TLR2: variants seen among roughly 807,000 people sequenced by gnomAD.
TLR2 encodes the protein toll like receptor 2.
In TLR2, 7 loss-of-function variants were observed where a neutral mutation model predicts 9.1. That is an observed-to-expected ratio of 0.77 (90% CI 0.44 to 1.44). The LOEUF is 1.44. Among genes scored for constraint, TLR2 ranks in the 40% most tolerant of loss-of-function variants. The pLI, the probability that TLR2 is intolerant of heterozygous loss-of-function variation, is 0.01. For missense variants in TLR2, 812 were observed against 904.6 expected, an observed-to-expected ratio of 0.90 and a Z score of 1.31; for synonymous variants, 317 against 344.6, an observed-to-expected ratio of 0.92 and a Z score of 0.89.
Position 153,703,272 on chromosome 4 carries a change from C to T in TLR2, c.365C>T (p.Pro122Leu), listed in dbSNP as rs770176238. 1 of 1,612,832 alleles carries T rather than the reference C, an allele frequency of 6.2e-7. No homozygotes were observed. Among genetic ancestry groups the T allele is most frequent in the South Asian group, 1.1e-5 (1 of 90,714 alleles). Residue 122 changes from proline (P) to leucine (L), a missense_variant, in exon 3 of 3, where the codon CCC becomes CTC. Coordinates refer to ENST00000642700, the MANE Select transcript of TLR2 (RefSeq NM_001318789.2). ...AATTTATCGTCTTCCTGGTTCAAGC[C>T]CCTTTCTTCTTTAACATTCTTAAAC... The part of the protein sequence containing the change: ...LSNLSSSWFK[P>L]LSSLTFLNLL...
Position 153,704,629 on chromosome 4 carries a change from G to A in TLR2, c.1722G>A (p.Gln574=), listed in dbSNP as rs139101815. 1.8e-4 allele frequency: 289 copies of A among 1,613,602 alleles called. 1 individual carries two copies. The highest frequency in any genetic ancestry group is 2.3e-4 in the Non-Finnish European group (274 of 1,180,000). ...CDSPSHVRGQ[Q]VQDVRLSVSE... is the part of the protein sequence containing the mutation. Reference sequence around the variant, plus strand: ...CTCCATCCCATGTGCGTGGCCAGCAGGTTCAGGATGTCCGCCTCTCGGTGT... The same window carrying A: ...CTCCATCCCATGTGCGTGGCCAGCAAGTTCAGGATGTCCGCCTCTCGGTGT... Residue 574 remains glutamine, a synonymous_variant, in exon 3 of 3, where the codon CAG becomes CAA. Coordinates refer to ENST00000642700, the MANE Select transcript of TLR2 (RefSeq NM_001318789.2).
chr4:153,700,592 A>G (rs1433177118), intron 2 of TLR2, among the ~76,000 whole-genome samples: 1 of 152,198 alleles, frequency 6.6e-6, no homozygotes, highest in East Asian at 1.9e-4. Context: ...TGCCATTTAT[A>G]ATAATATTCA....
In TLR2 at chr4:153,703,958, G is replaced by T. The variant is rs749390800; in HGVS notation, c.1051G>T (p.Val351Phe). 3.1e-6 allele frequency: 5 copies of T among 1,611,568 alleles called. No homozygotes were observed. The highest frequency in any genetic ancestry group is 4.2e-6 in the Non-Finnish European group (5 of 1,179,428). Reference sequence around the variant, plus strand: ...AGTAGAAAACAGTAAAGTTTTTCTGGTTCCTTGTTTACTTTCACAACATTT... The same window carrying T: ...AGTAGAAAACAGTAAAGTTTTTCTGTTTCCTTGTTTACTTTCACAACATTT... ...ITVENSKVFL[V>F]PCLLSQHLKS... Residue 351 changes from valine to phenylalanine, a missense_variant, in exon 3 of 3, where the codon GTT becomes TTT. Physicochemically the swap from Val to Phe is conservative, Grantham distance 50. Coordinates refer to ENST00000642700, the MANE Select transcript of TLR2 (RefSeq NM_001318789.2).
At chr4:153,702,841 T>TA (rs1340836367) in intron 2 of TLR2, 51 bp from the exon 3 acceptor site, 11 of 1,424,220 alleles carry the variant, frequency 7.7e-6, no homozygotes, top group African/African-American at 1.4e-5. Flanking sequence ...GAATTAGAAT[T>TA]ACGATATGCT....
At position 153,705,068 on chromosome 4, in the gene TLR2, C is replaced by A; in HGVS notation, c.2161C>A (p.His721Asn). ...GTGCAAGTATGAACTGGACTTCTCC[C>A]ATTTCCGTCTTTTTGATGAGAACAA... ...EWCKYELDFS[H>N]FRLFDENNDA... Residue 721 changes from histidine (H) to asparagine (N), a missense_variant, in exon 3 of 3, where the codon CAT (histidine) becomes AAT (asparagine). Coordinates refer to ENST00000642700, the MANE Select transcript of TLR2 (RefSeq NM_001318789.2). 6.2e-7 allele frequency: 1 copy of A among 1,614,070 alleles called. No individual in the cohort carries two copies. Among genetic ancestry groups the A allele is most frequent in the South Asian group, 1.1e-5 (1 of 91,078 alleles).
At chr4:153,690,242 A>G (rs992606553) in intron 2 of TLR2, among the ~76,000 whole-genome samples, 4 of 152,214 alleles carry the variant, frequency 2.6e-5, no homozygotes, top group African/African-American at 9.7e-5. Flanking sequence ...AAAGTCATTA[A>G]TGCTAGATTC....
rs372430025 is a variant in TLR2, at chr4:153,704,656, G to A, written c.1749G>A (p.Ser583=). 2.4e-5 allele frequency: 38 copies of A among 1,612,696 alleles called. No individual in the cohort carries two copies. The highest frequency in any genetic ancestry group is 1.7e-4 in the African/African-American group (13 of 74,668). The change falls in exon 3 of 3, where the codon TCG becomes TCA. Residue 583 remains serine (S), a synonymous_variant. Transcript: ENST00000642700. ...TTCAGGATGTCCGCCTCTCGGTGTC[G>A]GAATGTCACAGGACAGCACTGGTGT... ...QQVQDVRLSV[S]ECHRTALVSG... is the part of the protein sequence containing the mutation.
chr4:153,708,516 C>T (rs1322819719), downstream of TLR2, among the ~76,000 whole-genome samples: 1 of 152,124 alleles, frequency 6.6e-6, no homozygotes, highest in East Asian at 1.9e-4. Flanking sequence ...AATCTGGATG[C>T]TGAATCAATC....
Position 153,705,286 on chromosome 4 carries a change from T to G in TLR2, c.*24T>G, listed in dbSNP as rs1197729938. 6.6e-7 allele frequency: 1 copy of G among 1,525,184 alleles called. No homozygotes were observed. The allele number at this position is 1,525,184 out of a possible 1,614,324, so 94.5% of individuals were successfully genotyped here. On this transcript the variant is annotated 3_prime_UTR_variant, in exon 3 of 3. Coordinates refer to ENST00000642700, the MANE Select transcript of TLR2 (RefSeq NM_001318789.2). ...AGGTTCCCATATTTAAGACCAGTCT[T>G]TGTCTAGTTGGGATCTTTATGTCAC...
rs1170109867 is a variant in TLR2 at position 153,686,825 on chromosome 4, C to T, written c.-162-1077C>T. ...ACTGATAGAAAAACCAGACAAAAATCAATAAGGATAAAGAAAATGCGAACA... is the reference window on the plus strand; with the variant it reads ...ACTGATAGAAAAACCAGACAAAAATTAATAAGGATAAAGAAAATGCGAACA... On this transcript the variant is annotated intron_variant, in intron 1 of 2. Coordinates refer to ENST00000642700, the MANE Select transcript of TLR2 (RefSeq NM_001318789.2). Among the ~76,000 whole-genome samples the T allele has an allele frequency of 2.0e-5, 3 of 152,134 alleles. No individual in the cohort carries two copies. The East Asian group carries it at 5.8e-4, about 29-fold the overall frequency.
chr4:153,705,293 G>C lies in TLR2; in HGVS notation c.*31G>C, dbSNP rs550039276. On this transcript the variant is annotated 3_prime_UTR_variant, in exon 3 of 3. Transcript: ENST00000642700. ...CATATTTAAGACCAGTCTTTGTCTA[G>C]TTGGGATCTTTATGTCACTAGTTAT... 346 of 1,517,748 alleles carry C rather than the reference G, an allele frequency of 2.3e-4. No individual in the cohort carries two copies. Among genetic ancestry groups the C allele is most frequent in the Admixed American group, 3.4e-4 (15 of 44,214 alleles). 94.0% of individuals were successfully genotyped at this position (1,517,748 alleles called of 1,614,324 possible). A position where few individuals can be genotyped will look rare whatever the true frequency, so the allele number is the denominator to read the frequency against.
In TLR2 at chr4:153,705,138, C is replaced by T. The variant is rs1474022754; in HGVS notation, c.2231C>T (p.Ala744Val). ...LILLEPIEKK[A>V]IPQRFCKLRK... is the part of the protein sequence containing the mutation. Reference sequence around the variant, plus strand: ...CTTCTGGAGCCCATTGAGAAAAAAGCCATTCCCCAGCGCTTCTGCAAGCTG... The same window carrying T: ...CTTCTGGAGCCCATTGAGAAAAAAGTCATTCCCCAGCGCTTCTGCAAGCTG... Residue 744 changes from alanine to valine, a missense_variant, in exon 3 of 3, where the codon GCC becomes GTC. Transcript: ENST00000642700. The T allele has an allele frequency of 6.2e-7, 1 of 1,614,152 alleles. No individual in the cohort carries two copies.
Position 153,703,605 on chromosome 4 carries a change from A to C in TLR2, c.698A>C (p.Asp233Ala). 6.2e-7 allele frequency: 1 copy of C among 1,614,050 alleles called. No homozygotes were observed. The highest frequency in any genetic ancestry group is 8.5e-7 in the Non-Finnish European group (1 of 1,179,998). Residue 233 changes from aspartate (D) to alanine (A), a missense_variant, in exon 3 of 3, where the codon GAT becomes GCT. Physicochemically the swap from Asp to Ala is moderately radical, Grantham distance 126. Coordinates refer to ENST00000642700, the MANE Select transcript of TLR2 (RefSeq NM_001318789.2). ...GAATGTTTGGAACTGCGAGATACTG[A>C]TTTGGACACTTTCCATTTTTCAGAA... ...SVECLELRDT[D>A]LDTFHFSELS...
intron 1 of TLR2, among the ~76,000 whole-genome samples, chr4:153,684,709 T>C (rs992630921): frequency 6.6e-6 from 1 of 152,142 alleles, no homozygotes; most frequent in Non-Finnish European, 1.5e-5. Flanking sequence ...GGGCTGCGGC[T>C]GGGCTGAGCG....
intron 2 of TLR2, among the ~76,000 whole-genome samples, chr4:153,693,272 C>A (rs1736248693): frequency 6.6e-6 from 1 of 152,222 alleles, no homozygotes; most frequent in South Asian, 2.1e-4. Context: ...CTGGAGACAG[C>A]AACCTTCTTT....
intron 2 of TLR2, chr4:153,702,248 G>A (rs1343776843): frequency 1.3e-5 from 2 of 152,186 alleles, no homozygotes; most frequent in Admixed American, 6.6e-5. Flanking sequence ...GGGTTCTGAT[G>A]GTGTGAGTCT....
Position 153,705,122 on chromosome 4 carries a change from C to A in TLR2, c.2215C>A (p.Pro739Thr), listed in dbSNP as rs779905926. ...TGCTGCCATTCTCATTCTTCTGGAG[C>A]CCATTGAGAAAAAAGCCATTCCCCA... ...NDAAILILLE[P>T]IEKKAIPQRF... The change falls in exon 3 of 3, where the codon CCC becomes ACC. Residue 739 changes from proline to threonine, a missense_variant. Pro to Thr is a conservative substitution (Grantham distance 38). Transcript: ENST00000642700. The A allele has an allele frequency of 6.2e-7, 1 of 1,614,084 alleles. No homozygotes were observed. The highest frequency in any genetic ancestry group is 2.2e-5 in the East Asian group (1 of 44,884).
chr4:153,701,838 A>G (rs1419330579), intron 2 of TLR2: 1 of 151,938 alleles, frequency 6.6e-6, no homozygotes, highest in Non-Finnish European at 1.5e-5. Flanking sequence ...CTTCAACAGC[A>G]TTTAAATTCC....
intron 2 of TLR2, among the ~76,000 whole-genome samples, chr4:153,694,327 G>T (rs1736337197): frequency 6.6e-6 from 1 of 152,152 alleles, no homozygotes; most frequent in Non-Finnish European, 1.5e-5. Context: ...TTCAGTGTGG[G>T]CGTCATGGCC....
Sources: gnomAD v4.1 joint callset for allele counts (sites outside exome capture counted in the v4.1 genomes callset) on GRCh38, gnomAD v4.1.1 for gene constraint, MANE v1.5 for transcripts, NCBI Gene and HGNC (gene_info 2026-07-23, HGNC 2026-07-21) for gene names.